BRINP3: variants seen among roughly 807,000 people sequenced by gnomAD.
BRINP3 encodes the protein BMP/retinoic acid-inducible neural-specific protein 3.
Under a neutral mutation model 71.0 loss-of-function variants are expected in BRINP3, and 19 were observed. The observed-to-expected ratio is 0.27, with a 90% CI of 0.19 to 0.39. The LOEUF is 0.39. BRINP3 is among the 10% of genes least tolerant of loss of function. The pLI is 1.00. For missense variants in BRINP3, 959 were observed against 940.8 expected (o/e 1.02, Z -0.25); for synonymous variants, 380 against 337.7 (o/e 1.13, Z -1.37).
intron 2 of BRINP3, among the ~76,000 whole-genome samples, chr1:190,327,923 T>C (rs943251487): frequency 4.0e-5 from 6 of 151,794 alleles, no homozygotes; most frequent in Admixed American, 6.6e-5. Flanking sequence ...TCTCCATAAA[T>C]TCAAAAAAAA....
chr1:190,117,510 A>T (rs954001855), intron 7 of BRINP3, among the ~76,000 whole-genome samples: 1 of 151,994 alleles, frequency 6.6e-6, no homozygotes, highest in Non-Finnish European at 1.5e-5. Context: ...ATTGTTTTAT[A>T]TGTTTTATCT....
intron 7 of BRINP3, among the ~76,000 whole-genome samples, chr1:190,130,483 A>G (rs564061007): frequency 6.6e-6 from 1 of 152,024 alleles, no homozygotes; most frequent in African/African-American, 2.4e-5. Flanking sequence ...TTTGCTAACT[A>G]TGAAGGTCCT....
chr1:190,150,942 A>G (rs1189655827), intron 7 of BRINP3, among the ~76,000 whole-genome samples: 1 of 152,150 alleles, frequency 6.6e-6, no homozygotes, highest in Non-Finnish European at 1.5e-5. Flanking sequence ...CTACTGTGAG[A>G]TAACAAGACC....
intron 7 of BRINP3, among the ~76,000 whole-genome samples, chr1:190,107,864 T>A (rs1197692786): frequency 8.3e-6 from 1 of 120,844 alleles, no homozygotes; most frequent in Non-Finnish European, 1.5e-5. Context: ...TGGCACTGAA[T>A]TTTTTTTAAT....
At chr1:190,407,288 A>G (rs1009058140) in intron 2 of BRINP3, among the ~76,000 whole-genome samples, 2 of 152,212 alleles carry the variant, frequency 1.3e-5, no homozygotes, top group Non-Finnish European at 2.9e-5. Context: ...TTATTGATGA[A>G]AAATATGCAT....
chr1:190,183,709 C>A (rs1653248177), intron 6 of BRINP3, among the ~76,000 whole-genome samples: 1 of 152,038 alleles, frequency 6.6e-6, no homozygotes, highest in African/African-American at 2.4e-5. Context: ...AGTAGAAGTT[C>A]TTTGTCACAG....
Position 190,226,143 on chromosome 1 carries a change from T to C in BRINP3, c.900A>G (p.Glu300=). Residue 300 remains glutamate (E), a synonymous_variant, in exon 6 of 8, where the codon GAA becomes GAG. Transcript: ENST00000367462. ...TTTCAGTTATTCGAAGAAGATTCTC[T>C]TCCATGGCTTGAATGTCCATGGAGG... ...NCPSMDIQAM[E]ENLLRITETW... 6.2e-7 allele frequency: 1 copy of C among 1,611,762 alleles called. No individual in the cohort carries two copies. The highest frequency in any genetic ancestry group is 8.5e-7 in the Non-Finnish European group (1 of 1,178,498).
At chr1:190,217,222 T>C (rs555182136) in intron 6 of BRINP3, 113 of 152,110 alleles carry the variant, frequency 7.4e-4, no homozygotes, top group African/African-American at 2.5e-3. Flanking sequence ...TTCCTTACAA[T>C]CATGGTACTT....
At chr1:190,276,658 C>T (rs1662580869) in intron 3 of BRINP3, among the ~76,000 whole-genome samples, 1 of 151,330 alleles carries the variant, frequency 6.6e-6, no homozygotes, top group Non-Finnish European at 1.5e-5. Context: ...CACACACACA[C>T]ACATATATAT....
At chr1:190,158,325 T>C (rs2102449725) in intron 7 of BRINP3, among the ~76,000 whole-genome samples, 1 of 152,224 alleles carries the variant, frequency 6.6e-6, no homozygotes, top group African/African-American at 2.4e-5. Flanking sequence ...CATGTGGAAC[T>C]GTAAGTCCAT....
intron 2 of BRINP3, among the ~76,000 whole-genome samples, chr1:190,438,787 G>A (rs538715597): frequency 8.2e-4 from 124 of 151,908 alleles, no homozygotes; most frequent in African/African-American, 2.9e-3. Flanking sequence ...AAGAGTAAAT[G>A]TTCCCTCTCA....
Position 190,161,038 on chromosome 1 carries a change from C to T in BRINP3, c.962-148G>A, listed in dbSNP as rs1465956282. ...AATACAGTGCCTCATTTGTGAGTAG[C>T]AAATTAATAGAAGATGGGGTTTTTA... is the stretch of plus-strand genomic sequence containing the variant. On this transcript the variant is annotated intron_variant, in intron 6 of 7. Transcript: ENST00000367462. 4 of 562,408 alleles carry T rather than the reference C, an allele frequency of 7.1e-6. No homozygotes were observed. The Admixed American group carries it at 1.4e-4, about 20-fold the overall frequency. 34.8% of individuals were successfully genotyped at this position (562,408 alleles called of 1,614,324 possible).
intron 6 of BRINP3, among the ~76,000 whole-genome samples, chr1:190,221,342 T>C (rs1229783556): frequency 1.3e-5 from 2 of 152,208 alleles, no homozygotes; most frequent in Admixed American, 1.3e-4. Flanking sequence ...TAGTTTGTTA[T>C]CCAAGGTAAG....
chr1:190,323,787 G>T lies in BRINP3; in HGVS notation c.237-42037C>A, dbSNP rs1342325031. Reference sequence around the variant, plus strand: ...ATGAAAAGCTTTCAGTTACACCAAAGATATTGTAAGAGAAAAATCCCTTTT... The same window carrying T: ...ATGAAAAGCTTTCAGTTACACCAAATATATTGTAAGAGAAAAATCCCTTTT... On this transcript the variant is annotated intron_variant, in intron 2 of 7. Transcript: ENST00000367462. 4.0e-5 allele frequency among the ~76,000 whole-genome samples: 6 copies of T among 151,836 alleles called. 1 individual carries two copies. Among genetic ancestry groups the T allele is most frequent in the Middle Eastern group, 3.4e-3 (1 of 292 alleles).
chr1:190,239,057 C>T (rs1052982272), intron 4 of BRINP3, among the ~76,000 whole-genome samples: 11 of 152,020 alleles, frequency 7.2e-5, no homozygotes, highest in African/African-American at 2.7e-4. Flanking sequence ...TGAAAGAGAG[C>T]GAGGAAGTGC....
chr1:190,330,972 G>A (rs1280082286), intron 2 of BRINP3, among the ~76,000 whole-genome samples: 2 of 151,898 alleles, frequency 1.3e-5, no homozygotes, highest in African/African-American at 4.8e-5. Flanking sequence ...AGACTACTTA[G>A]GGGAGCGGGG....
At chr1:190,310,494 A>G (rs1289030448) in intron 2 of BRINP3, among the ~76,000 whole-genome samples, 1 of 151,718 alleles carries the variant, frequency 6.6e-6, no homozygotes, top group Non-Finnish European at 1.5e-5. Context: ...ATTGACCAAA[A>G]TTTCTTTCTG....
At chr1:190,435,501 T>C (rs1674399689) in intron 2 of BRINP3, among the ~76,000 whole-genome samples, 1 of 152,002 alleles carries the variant, frequency 6.6e-6, no homozygotes, top group South Asian at 2.1e-4. Flanking sequence ...GTGAACAAAT[T>C]AGGAAAATAT....
intron 7 of BRINP3, among the ~76,000 whole-genome samples, chr1:190,133,485 G>A (rs1256212899): frequency 6.6e-6 from 1 of 151,962 alleles, no homozygotes; most frequent in Non-Finnish European, 1.5e-5. Flanking sequence ...AGTGGGAGGT[G>A]TTATAGATAA....
Sources: allele counts gnomAD v4.1 joint callset (sites outside exome capture counted in the v4.1 genomes callset), GRCh38; gene constraint gnomAD v4.1.1; transcripts MANE v1.5; gene names NCBI Gene and HGNC (gene_info 2026-07-23, HGNC 2026-07-21).